Variants in LAMA2 observed in about 807,000 individuals in gnomAD.
The protein encoded by LAMA2 is laminin subunit alpha-2.
In LAMA2, 269 loss-of-function variants were observed where a neutral mutation model predicts 364.8. That is an observed-to-expected ratio of 0.74 (90% confidence interval 0.67 to 0.82). The LOEUF is 0.82. Ranked by LOEUF, LAMA2 falls within the 40% of genes least tolerant of loss-of-function variation. The pLI, the probability that LAMA2 is intolerant of heterozygous loss-of-function variation, is 0.00. For synonymous variants in LAMA2, 1,379 were observed against 1,370.6 expected (o/e 1.01, Z -0.14); for missense variants, 3,807 against 3,873.2 (o/e 0.98, Z 0.45).
intron 11 of LAMA2, among the ~76,000 whole-genome samples, chr6:129,190,635 T>G (rs1282858824): frequency 6.6e-6 from 1 of 152,132 alleles, no homozygotes; most frequent in Non-Finnish European, 1.5e-5. Flanking sequence ...ACTCCAAGGG[T>G]GCATGATTTA....
intron 1 of LAMA2, among the ~76,000 whole-genome samples, chr6:128,976,730 C>A (rs961388841): frequency 4.6e-5 from 7 of 152,086 alleles, no homozygotes; most frequent in African/African-American, 1.7e-4. Context: ...CTGTAAATAT[C>A]ATAAATATCA....
Position 129,465,222 on chromosome 6 carries a change from T to C in LAMA2, c.7233T>C (p.Val2411=), listed in dbSNP as rs745744090. The change falls in exon 51 of 65, where the codon GTT becomes GTC. Residue 2411 remains valine (V), a synonymous_variant. Coordinates refer to ENST00000421865, the MANE Select transcript of LAMA2 (RefSeq NM_000426.4). ...ATCTGGGCTCAGGAATGGCTTCCGT[T>C]GTCAGCAATCAAAACCATAATGATG... The part of the protein sequence containing the change: ...SYDLGSGMAS[V]VSNQNHNDGK... 1 of 1,611,504 alleles carries C rather than the reference T, an allele frequency of 6.2e-7. No homozygotes were observed. The highest frequency in any genetic ancestry group is 1.1e-5 in the South Asian group (1 of 91,030).
At chr6:129,351,460 A>G (rs564020799) in intron 31 of LAMA2, among the ~76,000 whole-genome samples, 104 of 152,178 alleles carry the variant, frequency 6.8e-4, no homozygotes, top group Non-Finnish European at 1.2e-3. Context: ...ATAGCTTTGC[A>G]TTCATCATCT....
chr6:129,225,196 T>G (rs1332574162), intron 12 of LAMA2, among the ~76,000 whole-genome samples: 1 of 152,204 alleles, frequency 6.6e-6, no homozygotes, highest in Non-Finnish European at 1.5e-5. Context: ...TTATCATTTT[T>G]TATTGCATCT....
At chr6:129,024,864 C>T (rs768988581) in intron 1 of LAMA2, among the ~76,000 whole-genome samples, 1 of 152,002 alleles carries the variant, frequency 6.6e-6, no homozygotes, top group Non-Finnish European at 1.5e-5. Flanking sequence ...CAGGAGGACC[C>T]TTTGAGCTTA....
intron 18 of LAMA2, among the ~76,000 whole-genome samples, chr6:129,282,115 A>G (rs1788760727): frequency 6.6e-6 from 1 of 152,172 alleles, no homozygotes; most frequent in African/African-American, 2.4e-5. Context: ...TTAAAAACTA[A>G]ATCAACATTT....
At chr6:129,338,718 T>C (rs1776091786) in intron 29 of LAMA2, among the ~76,000 whole-genome samples, 1 of 152,174 alleles carries the variant, frequency 6.6e-6, no homozygotes. Flanking sequence ...AAAGGAGCAT[T>C]TAAGCCAGTT....
chr6:129,369,449 G>C (rs181344057), intron 33 of LAMA2, among the ~76,000 whole-genome samples: 1 of 152,170 alleles, frequency 6.6e-6, no homozygotes, highest in East Asian at 1.9e-4. Context: ...AAGGCCTGCC[G>C]TTCTCTTTTT....
intron 58 of LAMA2, among the ~76,000 whole-genome samples, chr6:129,494,433 TG>T (rs1785048580): frequency 6.6e-6 from 1 of 152,182 alleles, no homozygotes; most frequent in Non-Finnish European, 1.5e-5. Context: ...AAAAATCAAA[TG>T]GGATAATGTA....
chr6:128,931,161 T>G (rs928174537), intron 1 of LAMA2, among the ~76,000 whole-genome samples: 5 of 152,254 alleles, frequency 3.3e-5, no homozygotes, highest in African/African-American at 9.6e-5. Context: ...CTCTATAGCT[T>G]ACAAGGTATT....
chr6:129,157,522 G>C, intron 8 of LAMA2: 1 of 1,592,944 alleles, frequency 6.3e-7, no homozygotes, highest in South Asian at 1.1e-5. Context: ...TGGTTTAACC[G>C]TCAGATTTTT....
intron 4 of LAMA2, among the ~76,000 whole-genome samples, chr6:129,124,320 T>C (rs767551347): frequency 1.2e-4 from 18 of 152,188 alleles, no homozygotes; most frequent in Non-Finnish European, 2.4e-4. Context: ...GTAGAGATGA[T>C]GTCCCCCTGG....
intron 1 of LAMA2, among the ~76,000 whole-genome samples, chr6:128,955,208 A>T (rs1046530403): frequency 6.6e-6 from 1 of 152,000 alleles, no homozygotes; most frequent in East Asian, 1.9e-4. Flanking sequence ...GCAAAGGCTT[A>T]TGTGGATAGG....
chr6:129,343,930 A>C (rs1237472100), intron 30 of LAMA2, among the ~76,000 whole-genome samples: 1 of 152,212 alleles, frequency 6.6e-6, no homozygotes, highest in Non-Finnish European at 1.5e-5. Context: ...CTTACAAAAT[A>C]CAAGGCATGT....
intron 32 of LAMA2, among the ~76,000 whole-genome samples, chr6:129,359,171 TTA>T (rs1446161539): frequency 6.6e-6 from 1 of 151,218 alleles, no homozygotes; most frequent in East Asian, 1.9e-4. Flanking sequence ...AAAGTTTCCA[TTA>T]GTGTTTTGAA....
At chr6:128,953,039 C>T (rs1050529701) in intron 1 of LAMA2, among the ~76,000 whole-genome samples, 3 of 152,148 alleles carry the variant, frequency 2.0e-5, no homozygotes, top group African/African-American at 7.2e-5. Flanking sequence ...AAAATACCTC[C>T]TGTTCTTAAA....
Position 129,516,527 on chromosome 6 carries a change from A to AAGTC in LAMA2, c.*181_*184dup. On this transcript the variant is annotated 3_prime_UTR_variant, in exon 65 of 65. Coordinates refer to ENST00000421865, the MANE Select transcript of LAMA2 (RefSeq NM_000426.4). ...TGAATTTTAATTCAAGTTCTTTCTCAAGTCTATAAATAATATTAAACTGAT... is the reference window on the plus strand; with the variant it reads ...TGAATTTTAATTCAAGTTCTTTCTCAAGTCAGTCTATAAATAATATTAAACTGAT... The AAGTC allele has an allele frequency of 1.8e-6, 1 of 566,020 alleles. No individual in the cohort carries two copies. The highest frequency in any genetic ancestry group is 1.9e-5 in the South Asian group (1 of 52,716). 35.1% of individuals were successfully genotyped at this position (566,020 alleles called of 1,614,324 possible).
At chr6:128,978,133 T>G (rs1241987194) in intron 1 of LAMA2, among the ~76,000 whole-genome samples, 3 of 152,174 alleles carry the variant, frequency 2.0e-5, no homozygotes, top group Admixed American at 6.5e-5. Context: ...ACTGACTCAT[T>G]CTTACCTGTT....
chr6:129,190,449 T>A, intron 11 of LAMA2, 104 bp downstream of exon 11: 1 of 1,174,812 alleles, frequency 8.5e-7, no homozygotes, highest in Non-Finnish European at 1.2e-6. Flanking sequence ...AACTTCTACA[T>A]AAAGTTACAG....
Sources: allele counts gnomAD v4.1 joint callset (sites outside exome capture counted in the v4.1 genomes callset), GRCh38; gene constraint gnomAD v4.1.1; transcripts MANE v1.5; gene names NCBI Gene and HGNC (gene_info 2026-07-23, HGNC 2026-07-21).